The following TRNT1 variants were observed in gnomAD, a reference collection of about 807,000 sequenced individuals.
TRNT1 encodes the protein tRNA nucleotidyl transferase 1, also known as CCA tRNA nucleotidyltransferase 1, mitochondrial.
TRNT1 carries 44 observed loss-of-function variants against 45.6 expected under a neutral mutation model. The ratio of observed to expected loss-of-function variants is 0.97; its 90% CI spans 0.76 to 1.24. TRNT1 has a LOEUF of 1.24. Among genes scored for constraint, TRNT1 ranks in the 50% most tolerant of loss-of-function variants. TRNT1 has a pLI of 0.00. For missense variants in TRNT1, 633 were observed against 504.4 expected, an observed-to-expected ratio of 1.25 and a Z score of -2.44; for synonymous variants, 201 against 171.4, an observed-to-expected ratio of 1.17 and a Z score of -1.35.
Position 3,144,822 on chromosome 3 carries a change from G to GTC in TRNT1, c.608+114_608+115dup. The GTC allele has an allele frequency of 1.8e-6, 2 of 1,139,852 alleles. 1 individual carries two copies. The highest frequency in any genetic ancestry group is 2.4e-6 in the Non-Finnish European group (2 of 849,176). The allele number at this position is 1,139,852 out of a possible 1,614,324, so 70.6% of individuals were successfully genotyped here. A position where few individuals can be genotyped will look rare whatever the true frequency, so the allele number is the denominator to read the frequency against. On this transcript the variant is annotated intron_variant, in intron 5 of 7. Transcript: ENST00000251607. Reference sequence around the variant, plus strand: ...TGTACAAAATGGTGACATCCCAAATGTCTGTCTCCAGTGGAGACCTAGCAC... The same window carrying GTC: ...TGTACAAAATGGTGACATCCCAAATGTCTCTGTCTCCAGTGGAGACCTAGCAC...
At chr3:3,151,015 G>C (rs1403040549), downstream of TRNT1, 11 of 1,613,832 alleles carry the variant, frequency 6.8e-6, no homozygotes, top group Non-Finnish European at 9.3e-6. Flanking sequence ...GGCTTGCACA[G>C]ATCTTACACT....
chr3:3,127,843 C>T (rs1479024127), intron 1 of TRNT1: 1 of 152,158 alleles, frequency 6.6e-6, no homozygotes, highest in East Asian at 1.9e-4. Flanking sequence ...TGGTAATGCT[C>T]CCCGACCAAA....
At chr3:3,136,350 T>C (rs915031252) in intron 2 of TRNT1, among the ~76,000 whole-genome samples, 7 of 152,222 alleles carry the variant, frequency 4.6e-5, no homozygotes, top group Non-Finnish European at 8.8e-5. Context: ...GGATTTTGCC[T>C]TATCCTCTAC....
At position 3,148,234 on chromosome 3, in the gene TRNT1, T is replaced by G; in HGVS notation, c.*80T>G. The G allele has an allele frequency of 1.4e-6, 2 of 1,478,088 alleles. No individual in the cohort carries two copies. Among genetic ancestry groups the G allele is most frequent in the Non-Finnish European group, 1.8e-6 (2 of 1,095,150 alleles). 91.6% of individuals were successfully genotyped at this position (1,478,088 alleles called of 1,614,324 possible). Reference sequence around the variant, plus strand: ...TCCCTCTTAATGAGGTTTTAGAGACTACACCAGAATAAAAGACAGTTTAGG... The same window carrying G: ...TCCCTCTTAATGAGGTTTTAGAGACGACACCAGAATAAAAGACAGTTTAGG... On this transcript the variant is annotated 3_prime_UTR_variant, in exon 8 of 8. Coordinates refer to ENST00000251607, the MANE Select transcript of TRNT1 (RefSeq NM_182916.3).
At chr3:3,146,367 AAC>A in intron 5 of TRNT1, 61 bp from the exon 6 acceptor site, 1 of 1,345,390 alleles carries the variant, frequency 7.4e-7, no homozygotes, top group South Asian at 1.4e-5. Context: ...AAAAATGAAA[AAC>A]AGATTTTGCT....
chr3:3,149,784 A>G (rs1706359549), downstream of TRNT1: 1 of 152,170 alleles, frequency 6.6e-6, no homozygotes, highest in African/African-American at 2.4e-5. Flanking sequence ...CTCCACCTTC[A>G]AGGCATGTAT....
chr3:3,141,284 T>C (rs1705633509), intron 4 of TRNT1, among the ~76,000 whole-genome samples: 1 of 152,140 alleles, frequency 6.6e-6, no homozygotes. Flanking sequence ...ATAAACATGA[T>C]TTCAGGGAAG....
chr3:3,149,131 A>AATT (rs1434249547), downstream of TRNT1: 4 of 152,108 alleles, frequency 2.6e-5, no homozygotes, highest in Admixed American at 2.0e-4. Context: ...AGCAAATAGT[A>AATT]ATTTTGGACC....
chr3:3,131,321 C>G (rs1023495546), intron 2 of TRNT1: 1 of 152,082 alleles, frequency 6.6e-6, no homozygotes, highest in Non-Finnish European at 1.5e-5. Context: ...TTGCAAGAGG[C>G]CTCTTGGAAG....
intron 4 of TRNT1, among the ~76,000 whole-genome samples, chr3:3,141,234 A>G (rs548650754): frequency 6.6e-6 from 1 of 152,334 alleles, no homozygotes; most frequent in East Asian, 1.9e-4. Flanking sequence ...AGTGCCTGAC[A>G]CATGTACACA....
intron 3 of TRNT1, among the ~76,000 whole-genome samples, chr3:3,137,784 T>G (rs1705418951): frequency 6.6e-6 from 1 of 152,242 alleles, no homozygotes; most frequent in Admixed American, 6.5e-5. Flanking sequence ...CGTATAATTC[T>G]CCTTCTTCTG....
At chr3:3,152,660 T>C (rs962455457), downstream of TRNT1, 11 of 1,569,718 alleles carry the variant, frequency 7.0e-6, no homozygotes, top group African/African-American at 8.2e-5. Context: ...TAGAATTTTA[T>C]TGAAGTTCAC....
chr3:3,128,091 C>T (rs1487173454), intron 1 of TRNT1: 1 of 152,178 alleles, frequency 6.6e-6, no homozygotes, highest in East Asian at 1.9e-4. Flanking sequence ...CCCATAAGAT[C>T]TGAGTCCTGA....
At chr3:3,130,026 A>G in intron 2 of TRNT1, 3 of 677,854 alleles carry the variant, frequency 4.4e-6, no homozygotes, top group Non-Finnish European at 6.1e-6. Flanking sequence ...GCTTTAGCTA[A>G]GTGCCAGTAG....
downstream of TRNT1, chr3:3,150,259 G>C (rs914482788): frequency 1.3e-5 from 2 of 152,498 alleles, no homozygotes; most frequent in Non-Finnish European, 2.9e-5. Flanking sequence ...TAAAGGAAAT[G>C]ACAACTATTC....
At chr3:3,128,597 T>TGA (rs757345115) in intron 1 of TRNT1, among the ~76,000 whole-genome samples, 4 of 7,880 alleles carry the variant, frequency 5.1e-4, no homozygotes, top group Admixed American at 4.3e-3. Context: ...AGACTCCATC[T>TGA]CAAAAAAAAA....
At chr3:3,151,162 G>A, downstream of TRNT1, 1 of 1,105,986 alleles carries the variant, frequency 9.0e-7, no homozygotes, top group East Asian at 2.6e-5. Context: ...GAGATTCTAA[G>A]TTGAGATTTG....
At chr3:3,140,014 C>T (rs1381828468) in intron 3 of TRNT1, among the ~76,000 whole-genome samples, 1 of 152,186 alleles carries the variant, frequency 6.6e-6, no homozygotes, top group Non-Finnish European at 1.5e-5. Flanking sequence ...CAGGCATGAG[C>T]CACCACCCCC....
At chr3:3,141,216 CT>C (rs1705629568) in intron 4 of TRNT1, among the ~76,000 whole-genome samples, 1 of 152,154 alleles carries the variant, frequency 6.6e-6, no homozygotes, top group African/African-American at 2.4e-5. Flanking sequence ...ATTGTAAATG[CT>C]TAGAACAGTG....
Sources: gnomAD v4.1 joint callset for allele counts (sites outside exome capture counted in the v4.1 genomes callset) on GRCh38, gnomAD v4.1.1 for gene constraint, MANE v1.5 for transcripts, NCBI Gene and HGNC (gene_info 2026-07-23, HGNC 2026-07-21) for gene names.